PTAR1: variants seen among roughly 807,000 people sequenced by gnomAD.
PTAR1 encodes the protein protein prenyltransferase alpha subunit repeat-containing protein 1.
In PTAR1, 17 loss-of-function variants were observed where a neutral mutation model predicts 45.5. That is an observed-to-expected ratio of 0.37 (90% CI 0.26 to 0.56). PTAR1 has a LOEUF of 0.56. Ranked by LOEUF, PTAR1 falls within the 20% of genes least tolerant of loss-of-function variation. The pLI is 0.77. For synonymous variants in PTAR1, 169 were observed against 171.3 expected, an observed-to-expected ratio of 0.99 and a Z score of 0.11; for missense variants, 391 against 476.3, an observed-to-expected ratio of 0.82 and a Z score of 1.67.
chr9:69,732,106 G>C (rs1416997837), intron 5 of PTAR1, 33 bp downstream of exon 5: 2 of 1,496,974 alleles, frequency 1.3e-6, no homozygotes, highest in Non-Finnish European at 1.9e-6. Flanking sequence ...AGGGCAGACA[G>C]GCAGTCTGCC....
chr9:69,723,700 T>G, intron 5 of PTAR1, 70 bp from the exon 6 acceptor site: 1 of 1,157,802 alleles, frequency 8.6e-7, no homozygotes. Flanking sequence ...TTATTGCCTC[T>G]GATTTCTCTT....
intron 2 of PTAR1, among the ~76,000 whole-genome samples, chr9:69,747,406 T>G (rs1434777553): frequency 6.6e-6 from 1 of 152,218 alleles, no homozygotes; most frequent in African/African-American, 2.4e-5. Flanking sequence ...GACATGAGCC[T>G]GGCCTCAGCA....
At chr9:69,721,663 C>T (rs12345215) in intron 6 of PTAR1, among the ~76,000 whole-genome samples, 4 of 152,160 alleles carry the variant, frequency 2.6e-5, no homozygotes, top group African/African-American at 9.7e-5. Context: ...ATTGCCACAG[C>T]CACCCCAACC....
rs902954746 is a variant in PTAR1 at position 69,741,517 on chromosome 9, C to A, written c.323+275G>T. 10 of 344,758 alleles carry A rather than the reference C, an allele frequency of 2.9e-5. 1 individual carries two copies. The South Asian group carries it at 3.3e-4, about 11-fold the overall frequency. 21.4% of individuals were successfully genotyped at this position (344,758 alleles called of 1,614,324 possible). ...AGTTATGCCCATTGCCCATTAGTCT[C>A]CCACCCCAAAAAATGAAGGAAAATA... On this transcript the variant is annotated intron_variant, in intron 3 of 7. Coordinates refer to ENST00000340434, the MANE Select transcript of PTAR1 (RefSeq NM_001099666.2).
At chr9:69,754,469 C>CAA (rs142966347) in intron 1 of PTAR1, among the ~76,000 whole-genome samples, 1 of 143,830 alleles carries the variant, frequency 7.0e-6, no homozygotes, top group South Asian at 2.2e-4. Context: ...CAAAACAAAA[C>CAA]AAAAAAAACC....
chr9:69,754,045 T>C (rs1388775484), intron 1 of PTAR1, among the ~76,000 whole-genome samples: 1 of 152,204 alleles, frequency 6.6e-6, no homozygotes. Context: ...CACAGTGTTA[T>C]GCTGCTTTCT....
At chr9:69,759,604 G>C (rs553605330) in intron 1 of PTAR1, among the ~76,000 whole-genome samples, 3 of 152,336 alleles carry the variant, frequency 2.0e-5, no homozygotes, top group Admixed American at 6.5e-5. Flanking sequence ...GGGAGGGACA[G>C]AGAAAGTAGT....
At chr9:69,724,862 A>G (rs141621046) in intron 5 of PTAR1, among the ~76,000 whole-genome samples, 2 of 152,364 alleles carry the variant, frequency 1.3e-5, no homozygotes, top group African/African-American at 4.8e-5. Flanking sequence ...TAGTAAGATT[A>G]CTTCCAGCCA....
chr9:69,738,443 T>C (rs972479319), intron 3 of PTAR1, among the ~76,000 whole-genome samples: 1 of 152,210 alleles, frequency 6.6e-6, no homozygotes, highest in Non-Finnish European at 1.5e-5. Flanking sequence ...TCTAGATAAA[T>C]TAACAGAACA....
Position 69,718,227 on chromosome 9 carries a change from A to C in PTAR1, c.*115T>G. The C allele has an allele frequency of 1.5e-6, 1 of 662,604 alleles. No individual in the cohort carries two copies. Among genetic ancestry groups the C allele is most frequent in the Non-Finnish European group, 2.5e-6 (1 of 407,520 alleles). 41.0% of individuals were successfully genotyped at this position (662,604 alleles called of 1,614,324 possible). A position where few individuals can be genotyped will look rare whatever the true frequency, so the allele number is the denominator to read the frequency against. On this transcript the variant is annotated 3_prime_UTR_variant, in exon 8 of 8. Transcript: ENST00000340434. ...GATTTACTATGGACTTTCAACCTAA[A>C]GACGAAGAACATATGGTTAGCCAAT...
intron 4 of PTAR1, 67 bp downstream of exon 4, chr9:69,734,083 T>C (rs1459649028): frequency 2.2e-6 from 2 of 907,588 alleles, no homozygotes; most frequent in East Asian, 2.5e-5. Flanking sequence ...GCCTCTCACA[T>C]GTCATGTTTC....
intron 6 of PTAR1, among the ~76,000 whole-genome samples, chr9:69,719,936 T>C (rs1824912837): frequency 6.6e-6 from 1 of 152,176 alleles, no homozygotes; most frequent in African/African-American, 2.4e-5. Flanking sequence ...AAATGTTGTG[T>C]GTGTTCTGAT....
chr9:69,751,176 T>C (rs1826514255), intron 1 of PTAR1, among the ~76,000 whole-genome samples: 2 of 152,060 alleles, frequency 1.3e-5, no homozygotes, highest in African/African-American at 4.8e-5. Flanking sequence ...TGCCTTTGGA[T>C]GGCAACTTAA....
At chr9:69,759,281 T>C (rs1826959825) in intron 1 of PTAR1, among the ~76,000 whole-genome samples, 1 of 102,306 alleles carries the variant, frequency 9.8e-6, no homozygotes, top group African/African-American at 3.4e-5. Context: ...GAAGCTTCTC[T>C]TGAGAATGTT....
In PTAR1 at chr9:69,709,609, A is replaced by G. The variant is rs1464332296; in HGVS notation, c.*8733T>C. 2 of 152,186 alleles carry G rather than the reference A, an allele frequency of 1.3e-5. No homozygotes were observed. The highest frequency in any genetic ancestry group is 2.9e-5 in the Non-Finnish European group (2 of 68,010). 9.4% of individuals were successfully genotyped at this position (152,186 alleles called of 1,614,324 possible). A position where few individuals can be genotyped will look rare whatever the true frequency, so the allele number is the denominator to read the frequency against. On this transcript the variant is annotated 3_prime_UTR_variant, in exon 8 of 8. Coordinates refer to ENST00000340434, the MANE Select transcript of PTAR1 (RefSeq NM_001099666.2). The stretch of plus-strand genomic sequence containing the variant: ...ACTATTTTCCATATTCTACAGAAAT[A>G]CAATACTTTATAGCTGGCTTGGTAC...
intron 3 of PTAR1, among the ~76,000 whole-genome samples, chr9:69,734,945 C>T (rs1390589304): frequency 6.6e-6 from 1 of 152,060 alleles, no homozygotes; most frequent in Non-Finnish European, 1.5e-5. Flanking sequence ...CTATGCTTTT[C>T]CCTTCTTGTT....
intron 2 of PTAR1, among the ~76,000 whole-genome samples, chr9:69,744,027 G>C (rs186630716): frequency 6.6e-6 from 1 of 152,236 alleles, no homozygotes; most frequent in Non-Finnish European, 1.5e-5. Flanking sequence ...AGATAAAAAT[G>C]CATGGAACTT....
intron 4 of PTAR1, 60 bp from the exon 5 acceptor site, chr9:69,732,412 A>G: frequency 8.2e-7 from 1 of 1,223,356 alleles, no homozygotes; most frequent in Non-Finnish European, 1.2e-6. Flanking sequence ...AGAGAAAAAT[A>G]ACCAGTTTTC....
In PTAR1 at chr9:69,732,142, G is replaced by A. The variant is rs1208748743; in HGVS notation, c.639C>T (p.Val213=). The change falls in exon 5 of 8, where the codon GTC becomes GTT. Residue 213 remains valine (V), a synonymous_variant. Transcript: ENST00000340434. ...CAGGAGACAGTAATATTCCTACCTT[G>A]ACATCTAGCTTGGCCAAGTGCTGTA... ...WVLQHLAKLD[V]KILLDELSST... is the part of the protein sequence containing the mutation. The A allele has an allele frequency of 6.2e-7, 1 of 1,609,682 alleles. No individual in the cohort carries two copies. The highest frequency in any genetic ancestry group is 1.1e-5 in the South Asian group (1 of 90,934).
Sources: gnomAD v4.1 joint callset for allele counts (sites outside exome capture counted in the v4.1 genomes callset) on GRCh38, gnomAD v4.1.1 for gene constraint, MANE v1.5 for transcripts, NCBI Gene and HGNC (gene_info 2026-07-23, HGNC 2026-07-21) for gene names.